Variants in CRACDL observed in about 807,000 individuals in gnomAD.
CRACDL encodes CRACD like.
Under a neutral mutation model 70.6 loss-of-function variants are expected in CRACDL, and 26 were observed. That is an observed-to-expected ratio of 0.37 (90% CI 0.27 to 0.51). CRACDL has a LOEUF of 0.51. Among genes scored for constraint, CRACDL ranks in the 20% least tolerant of loss-of-function variants. CRACDL has a pLI of 0.94. For missense variants in CRACDL, 1,283 were observed against 1,376.9 expected, an observed-to-expected ratio of 0.93 and a Z score of 1.08; for synonymous variants, 618 against 615.2, an observed-to-expected ratio of 1.00 and a Z score of -0.07.
intron 1 of CRACDL, among the ~76,000 whole-genome samples, chr2:98,896,588 C>G (rs1039807430): frequency 1.3e-5 from 2 of 152,042 alleles, no homozygotes; most frequent in Non-Finnish European, 2.9e-5. Context: ...CAGCTGCTGT[C>G]GGCAGAATGA....
At chr2:98,893,244 G>A (rs1708025041) in intron 1 of CRACDL, among the ~76,000 whole-genome samples, 1 of 152,096 alleles carries the variant, frequency 6.6e-6, no homozygotes, top group Non-Finnish European at 1.5e-5. Flanking sequence ...ATGGGACAAG[G>A]AGCTGTCTGA....
rs890303744 is a variant in CRACDL at position 98,850,428 on chromosome 2, G to A, written c.-10-3618C>T. Among the ~76,000 whole-genome samples, 8 of 152,290 alleles carry A rather than the reference G, an allele frequency of 5.3e-5. 1 individual carries two copies. The highest frequency in any genetic ancestry group is 3.9e-4 in the Admixed American group (6 of 15,294). On this transcript the variant is annotated intron_variant, in intron 1 of 9. Coordinates refer to ENST00000397899, the MANE Select transcript of CRACDL (RefSeq NM_207362.3). ...AAGCCGCAGTAAAGTTCAAGGAAACGCCAGATGTAAAACCGTAATTAGAAA... is the reference window on the plus strand; with the variant it reads ...AAGCCGCAGTAAAGTTCAAGGAAACACCAGATGTAAAACCGTAATTAGAAA...
intron 1 of CRACDL, among the ~76,000 whole-genome samples, chr2:98,892,307 A>G (rs1707999141): frequency 6.6e-6 from 1 of 152,184 alleles, no homozygotes; most frequent in South Asian, 2.1e-4. Flanking sequence ...TAAGAGAATG[A>G]TTAGCTACTA....
intron 1 of CRACDL, among the ~76,000 whole-genome samples, chr2:98,930,066 G>A (rs985458245): frequency 7.9e-5 from 12 of 152,042 alleles, no homozygotes; most frequent in Admixed American, 6.6e-5. Context: ...CTGAATCCAA[G>A]GCTGTTCAAC....
intron 1 of CRACDL, among the ~76,000 whole-genome samples, chr2:98,897,140 A>G (rs1163061153): frequency 1.3e-5 from 2 of 152,130 alleles, no homozygotes; most frequent in African/African-American, 4.8e-5. Flanking sequence ...CCCCCTGGCA[A>G]CCACTGATTT....
At chr2:98,815,407 T>A (rs1475606163) in intron 7 of CRACDL, among the ~76,000 whole-genome samples, 1 of 152,222 alleles carries the variant, frequency 6.6e-6, no homozygotes, top group East Asian at 1.9e-4. Context: ...CTAACTCAGA[T>A]GTCTCCTTTC....
intron 7 of CRACDL, among the ~76,000 whole-genome samples, chr2:98,803,311 AT>A (rs1387833864): frequency 6.6e-6 from 1 of 151,340 alleles, no homozygotes; most frequent in Non-Finnish European, 1.5e-5. Flanking sequence ...TGACTAGCTA[AT>A]TTTTTTCTAA....
At chr2:98,796,473 G>A (rs896091386) in intron 8 of CRACDL, among the ~76,000 whole-genome samples, 8 of 152,228 alleles carry the variant, frequency 5.3e-5, no homozygotes, top group Admixed American at 3.3e-4. Context: ...TGGCACACAC[G>A]TGCATCATGG....
intron 7 of CRACDL, among the ~76,000 whole-genome samples, chr2:98,817,954 A>C (rs1704854830): frequency 6.6e-6 from 1 of 152,172 alleles, no homozygotes; most frequent in African/African-American, 2.4e-5. Context: ...GACTAGAAGG[A>C]GAGCTGACCT....
intron 1 of CRACDL, among the ~76,000 whole-genome samples, chr2:98,914,655 C>T (rs1353808619): frequency 6.6e-6 from 1 of 152,186 alleles, no homozygotes; most frequent in Non-Finnish European, 1.5e-5. Flanking sequence ...TTCTGGGGAG[C>T]CGGCTGGCGA....
At chr2:98,884,920 A>C (rs1201380046) in intron 1 of CRACDL, among the ~76,000 whole-genome samples, 1 of 152,204 alleles carries the variant, frequency 6.6e-6, no homozygotes, top group Non-Finnish European at 1.5e-5. Flanking sequence ...ACCTGCAGGC[A>C]CCTGAAAAAC....
chr2:98,858,138 A>C (rs1558605518), intron 1 of CRACDL, among the ~76,000 whole-genome samples: 1 of 152,192 alleles, frequency 6.6e-6, no homozygotes, highest in Non-Finnish European at 1.5e-5. Flanking sequence ...CAAAACCACA[A>C]CATACCAAAA....
chr2:98,927,411 T>C (rs1271006973), intron 1 of CRACDL, among the ~76,000 whole-genome samples: 1 of 152,082 alleles, frequency 6.6e-6, no homozygotes, highest in Non-Finnish European at 1.5e-5. Flanking sequence ...CTAAATCCTC[T>C]TCTGCCTCAG....
intron 2 of CRACDL, among the ~76,000 whole-genome samples, chr2:98,842,865 AGTTT>A (rs1706091565): frequency 7.0e-6 from 1 of 143,216 alleles, no homozygotes. Context: ...AAGTTGCTAT[AGTTT>A]GTGTGTGTGT....
chr2:98,840,283 GTCT>G (rs916132219), intron 2 of CRACDL, among the ~76,000 whole-genome samples: 6 of 151,986 alleles, frequency 3.9e-5, no homozygotes, highest in Non-Finnish European at 7.4e-5. Flanking sequence ...AGGAAAGTAC[GTCT>G]TCTTCATTTC....
intron 1 of CRACDL, among the ~76,000 whole-genome samples, chr2:98,907,979 T>A (rs1708455309): frequency 6.6e-6 from 1 of 152,220 alleles, no homozygotes; most frequent in Admixed American, 6.5e-5. Flanking sequence ...CTGCAAATTT[T>A]GCAAGGCATC....
chr2:98,935,386 T>G (rs1709181726), intron 1 of CRACDL, among the ~76,000 whole-genome samples: 1 of 152,226 alleles, frequency 6.6e-6, no homozygotes, highest in South Asian at 2.1e-4. Context: ...TTGCCTATGA[T>G]GAAGCTTCTG....
intron 1 of CRACDL, among the ~76,000 whole-genome samples, chr2:98,930,950 G>C (rs1709057815): frequency 6.6e-6 from 1 of 152,116 alleles, no homozygotes; most frequent in African/African-American, 2.4e-5. Flanking sequence ...GTATGTGTGT[G>C]TGTGTGTGTG....
chr2:98,880,854 C>T (rs1173032628), intron 1 of CRACDL, among the ~76,000 whole-genome samples: 1 of 152,232 alleles, frequency 6.6e-6, no homozygotes, highest in Non-Finnish European at 1.5e-5. Flanking sequence ...AAGTGTGACA[C>T]ATCCACCTCC....
Sources: allele counts gnomAD v4.1 joint callset (sites outside exome capture counted in the v4.1 genomes callset), GRCh38; gene constraint gnomAD v4.1.1; transcripts MANE v1.5; gene names NCBI Gene and HGNC (gene_info 2026-07-23, HGNC 2026-07-21).